MAGI1: variants seen among roughly 807,000 people sequenced by gnomAD.
MAGI1 encodes membrane associated guanylate kinase, WW and PDZ domain containing 1.
In MAGI1, 58 loss-of-function variants were observed where a neutral mutation model predicts 139.9. That is an observed-to-expected ratio of 0.41 (90% CI 0.34 to 0.52). The LOEUF (loss-of-function observed/expected upper bound fraction) is 0.52. MAGI1 is among the 20% of genes least tolerant of loss of function. MAGI1 has a pLI of 0.12. For missense variants in MAGI1, 1,874 were observed against 1,901.6 expected (o/e 0.99, Z 0.27); for synonymous variants, 812 against 737.9 (o/e 1.10, Z -1.63).
chr3:65,864,606 T>A (rs2059658904), intron 1 of MAGI1, among the ~76,000 whole-genome samples: 1 of 152,218 alleles, frequency 6.6e-6, no homozygotes, highest in Middle Eastern at 3.2e-3. Context: ...ACAGTACTTT[T>A]CATTCTGGTT....
intron 22 of MAGI1, among the ~76,000 whole-genome samples, chr3:65,358,388 G>A (rs1279294636): frequency 1.3e-5 from 2 of 152,142 alleles, no homozygotes; most frequent in African/African-American, 4.8e-5. Flanking sequence ...GATCTTTCAT[G>A]AGCCAACAAG....
chr3:66,021,682 G>T (rs944654530), intron 1 of MAGI1, among the ~76,000 whole-genome samples: 2 of 152,250 alleles, frequency 1.3e-5, no homozygotes, highest in African/African-American at 4.8e-5. Flanking sequence ...CGTAGGTCTG[G>T]GATGGGGTCT....
chr3:65,479,905 A>G (rs765276255), intron 3 of MAGI1, among the ~76,000 whole-genome samples: 41 of 152,182 alleles, frequency 2.7e-4, no homozygotes, highest in Non-Finnish European at 5.1e-4. Flanking sequence ...CAGCGGCTAC[A>G]TAATAAAAGA....
chr3:65,745,871 C>T (rs1182141079), intron 1 of MAGI1, among the ~76,000 whole-genome samples: 2 of 151,940 alleles, frequency 1.3e-5, no homozygotes, highest in African/African-American at 2.4e-5. Flanking sequence ...TGGGATTACA[C>T]GTGTGCACTA....
intron 1 of MAGI1, among the ~76,000 whole-genome samples, chr3:65,638,108 T>C (rs1320381641): frequency 6.6e-6 from 1 of 152,170 alleles, no homozygotes; most frequent in African/African-American, 2.4e-5. Context: ...TGCCATCTGC[T>C]GCCTCTGTGT....
At chr3:65,584,086 GAAAAAAAAA>G (rs542674034) in intron 2 of MAGI1, among the ~76,000 whole-genome samples, 1 of 95,860 alleles carries the variant, frequency 1.0e-5, no homozygotes, top group Non-Finnish European at 1.9e-5. Flanking sequence ...ATCTACTCTT[GAAAAAAAAA>G]AAAAAAAAAA....
chr3:65,535,423 T>C (rs1310230504), intron 2 of MAGI1, among the ~76,000 whole-genome samples: 1 of 152,160 alleles, frequency 6.6e-6, no homozygotes, highest in South Asian at 2.1e-4. Flanking sequence ...AAGCCAGAGA[T>C]AGCAACAGGA....
At chr3:65,404,088 T>A (rs142459178) in intron 12 of MAGI1, among the ~76,000 whole-genome samples, 1 of 152,068 alleles carries the variant, frequency 6.6e-6, no homozygotes, top group Admixed American at 6.5e-5. Flanking sequence ...AACGTCCACA[T>A]CAAATGGATA....
chr3:65,702,282 A>G (rs192543892), intron 1 of MAGI1, among the ~76,000 whole-genome samples: 1 of 152,320 alleles, frequency 6.6e-6, no homozygotes, highest in Admixed American at 6.5e-5. Flanking sequence ...TTAAAAATCA[A>G]CGCACAAACA....
At position 65,996,931 on chromosome 3, in the gene MAGI1, G is replaced by A. The variant is rs559837883; in HGVS notation, c.313+41065C>T. 5.8e-4 allele frequency among the ~76,000 whole-genome samples: 89 copies of A among 152,304 alleles called. 1 individual carries two copies. The highest frequency in any genetic ancestry group is 2.9e-4 in the Non-Finnish European group (20 of 68,032). ...CTTGTGGTTGTCATACACGAATGACGTCATCTCCAACACACACCTTGTCAG... is the reference window on the plus strand; with the variant it reads ...CTTGTGGTTGTCATACACGAATGACATCATCTCCAACACACACCTTGTCAG... On this transcript the variant is annotated intron_variant, in intron 1 of 22. Coordinates refer to ENST00000402939, the MANE Select transcript of MAGI1 (RefSeq NM_001033057.2).
At chr3:65,879,307 T>G (rs2060236536) in intron 1 of MAGI1, among the ~76,000 whole-genome samples, 1 of 152,038 alleles carries the variant, frequency 6.6e-6, no homozygotes, top group Admixed American at 6.6e-5. Flanking sequence ...GCAATCATTT[T>G]GCATTGCTAA....
At chr3:65,550,128 C>T (rs2079750069) in intron 2 of MAGI1, among the ~76,000 whole-genome samples, 1 of 152,168 alleles carries the variant, frequency 6.6e-6, no homozygotes, top group African/African-American at 2.4e-5. Context: ...CCCACATTAG[C>T]TCTGCATTCA....
At chr3:65,924,022 T>G (rs1023686105) in intron 1 of MAGI1, among the ~76,000 whole-genome samples, 1 of 152,220 alleles carries the variant, frequency 6.6e-6, no homozygotes, top group Non-Finnish European at 1.5e-5. Context: ...GAAGCAGTAA[T>G]TTATCCAACA....
intron 2 of MAGI1, among the ~76,000 whole-genome samples, chr3:65,591,602 T>A (rs79996438): frequency 6.6e-6 from 1 of 152,100 alleles, no homozygotes; most frequent in African/African-American, 2.4e-5. Flanking sequence ...GGATCAAGAC[T>A]CTGCAATGGC....
intron 1 of MAGI1, among the ~76,000 whole-genome samples, chr3:65,648,781 T>C (rs2085418987): frequency 2.0e-5 from 3 of 152,146 alleles, no homozygotes; most frequent in African/African-American, 7.2e-5. Context: ...AGAATAAAGA[T>C]CAGCTTACTT....
intron 1 of MAGI1, among the ~76,000 whole-genome samples, chr3:65,869,920 G>A (rs781609116): frequency 1.3e-5 from 2 of 151,650 alleles, no homozygotes; most frequent in African/African-American, 4.9e-5. Context: ...GTGCTGGCAC[G>A]CAGTAAGCGT....
intron 13 of MAGI1, among the ~76,000 whole-genome samples, chr3:65,401,144 C>T (rs1944855503): frequency 6.6e-6 from 1 of 152,090 alleles, no homozygotes; most frequent in Non-Finnish European, 1.5e-5. Context: ...CTAAGAAACT[C>T]ATCCCTTTGA....
At chr3:65,940,258 T>C (rs2063244031) in intron 1 of MAGI1, among the ~76,000 whole-genome samples, 1 of 152,174 alleles carries the variant, frequency 6.6e-6, no homozygotes, top group South Asian at 2.1e-4. Flanking sequence ...TATGCCACAC[T>C]CTCACAAGAA....
At chr3:65,685,040 T>C (rs1019993117) in intron 1 of MAGI1, among the ~76,000 whole-genome samples, 8 of 151,730 alleles carry the variant, frequency 5.3e-5, no homozygotes, top group African/African-American at 1.2e-4. Flanking sequence ...TTAATGTCAA[T>C]ATCCTGATTG....
Sources: allele counts gnomAD v4.1 joint callset (sites outside exome capture counted in the v4.1 genomes callset), GRCh38; gene constraint gnomAD v4.1.1; transcripts MANE v1.5; gene names NCBI Gene and HGNC (gene_info 2026-07-23, HGNC 2026-07-21).